Variants in RAB2A observed in about 807,000 individuals in gnomAD.
RAB2A encodes the protein RAB2A, member RAS oncogene family.
RAB2A carries 7 observed loss-of-function variants against 32.5 expected under a neutral mutation model. The ratio of observed to expected loss-of-function variants is 0.22; its 90% CI spans 0.12 to 0.40. RAB2A has a LOEUF of 0.40. RAB2A is among the 10% of genes least tolerant of loss of function. The pLI, the probability that RAB2A is intolerant of heterozygous loss-of-function variation, is 1.00. For missense variants in RAB2A, 108 were observed against 260.7 expected (o/e 0.41, Z 4.03); for synonymous variants, 79 against 85.2 (o/e 0.93, Z 0.40).
intron 1 of RAB2A, among the ~76,000 whole-genome samples, chr8:60,553,629 T>C (rs1807889947): frequency 6.6e-6 from 1 of 152,210 alleles, no homozygotes. Flanking sequence ...TAACAGTTCA[T>C]TGAGGTGTAG....
intron 1 of RAB2A, among the ~76,000 whole-genome samples, chr8:60,531,046 C>T (rs549468676): frequency 6.6e-6 from 1 of 152,328 alleles, no homozygotes; most frequent in Admixed American, 6.5e-5. Context: ...TTCACCAAGA[C>T]TCAGGGTTTT....
chr8:60,589,774 CTT>C (rs1803911828), intron 5 of RAB2A, among the ~76,000 whole-genome samples: 1 of 152,006 alleles, frequency 6.6e-6, no homozygotes, highest in Non-Finnish European at 1.5e-5. Context: ...AGTACTATGG[CTT>C]TTGAGTTTTT....
Position 60,546,792 on chromosome 8 carries a change from C to G in RAB2A, c.47-12060C>G, listed in dbSNP as rs1227856420. Reference sequence around the variant, plus strand: ...TTTTTCCAAAATCACCCAGGTAGTGCTTTTAACCACTACACAATGCTGACA... The same window carrying G: ...TTTTTCCAAAATCACCCAGGTAGTGGTTTTAACCACTACACAATGCTGACA... On this transcript the variant is annotated intron_variant, in intron 1 of 7. Coordinates refer to ENST00000262646, the MANE Select transcript of RAB2A (RefSeq NM_002865.3). Among the ~76,000 whole-genome samples, 4 of 151,458 alleles carry G rather than the reference C, an allele frequency of 2.6e-5. No homozygotes were observed. In the East Asian group the frequency reaches 7.7e-4, roughly 29 times the overall value.
chr8:60,590,390 C>T (rs1003440461), intron 5 of RAB2A, among the ~76,000 whole-genome samples: 1 of 150,784 alleles, frequency 6.6e-6, no homozygotes, highest in Non-Finnish European at 1.5e-5. Context: ...GTAGTCCTAG[C>T]AATTGGGAAG....
intron 1 of RAB2A, among the ~76,000 whole-genome samples, chr8:60,526,053 ATAT>A (rs1467096586): frequency 1.1e-3 from 127 of 117,976 alleles, no homozygotes; most frequent in African/African-American, 3.4e-3. Context: ...ATATATATAT[ATAT>A]AAGTTTTCTG....
At chr8:60,538,021 A>G (rs541251625) in intron 1 of RAB2A, among the ~76,000 whole-genome samples, 21 of 152,308 alleles carry the variant, frequency 1.4e-4, no homozygotes, top group Admixed American at 4.6e-4. Context: ...TAAACATTCT[A>G]GCCGTTTTCC....
chr8:60,558,488 A>G (rs780626904), intron 1 of RAB2A: 1 of 510,122 alleles, frequency 2.0e-6, no homozygotes, highest in Non-Finnish European at 3.9e-6. Context: ...AAAATGAACT[A>G]TTAACTATGC....
intron 6 of RAB2A, among the ~76,000 whole-genome samples, chr8:60,595,911 A>G (rs112062418): frequency 5.3e-5 from 8 of 152,374 alleles, no homozygotes; most frequent in Non-Finnish European, 8.8e-5. Context: ...ATTAAACTAG[A>G]AATCAGTTTA....
rs1267298715 is a variant in RAB2A at position 60,620,735 on chromosome 8, A to G, written c.605A>G (p.Gln202Arg). ...ACCAATGCAACACATGCAGGCAATC[A>G]GGGAGGACAGCAGGCTGGGGGCGGC... The part of the protein sequence containing the change: ...AATNATHAGN[Q>R]GGQQAGGGCC The change falls in exon 8 of 8, where the codon CAG becomes CGG. Residue 202 changes from glutamine (Q) to arginine (R), a missense_variant. Coordinates refer to ENST00000262646, the MANE Select transcript of RAB2A (RefSeq NM_002865.3). 1 of 1,613,872 alleles carries G rather than the reference A, an allele frequency of 6.2e-7. No homozygotes were observed. The highest frequency in any genetic ancestry group is 8.5e-7 in the Non-Finnish European group (1 of 1,179,956).
chr8:60,619,817 TA>T (rs1259978119), intron 7 of RAB2A, among the ~76,000 whole-genome samples: 6 of 152,266 alleles, frequency 3.9e-5, no homozygotes, highest in African/African-American at 1.4e-4. Flanking sequence ...CCGTGCTATT[TA>T]TTTGGCCTAA....
At chr8:60,532,987 G>A (rs1807499965) in intron 1 of RAB2A, among the ~76,000 whole-genome samples, 1 of 152,222 alleles carries the variant, frequency 6.6e-6, no homozygotes, top group African/African-American at 2.4e-5. Context: ...GATTTTAACT[G>A]ACAGAATCCA....
chr8:60,559,587 A>G (rs931319170), intron 2 of RAB2A, among the ~76,000 whole-genome samples: 1 of 152,234 alleles, frequency 6.6e-6, no homozygotes, highest in African/African-American at 2.4e-5. Flanking sequence ...AATTAAGATG[A>G]GTGAAAAGCT....
chr8:60,541,039 G>C (rs531159270), intron 1 of RAB2A, among the ~76,000 whole-genome samples: 11 of 152,248 alleles, frequency 7.2e-5, no homozygotes, highest in African/African-American at 2.6e-4. Flanking sequence ...GACTACCTTA[G>C]CCAGGTTATG....
intron 1 of RAB2A, among the ~76,000 whole-genome samples, chr8:60,518,213 AAAGATT>A (rs1469216004): frequency 1.3e-5 from 2 of 152,212 alleles, no homozygotes; most frequent in African/African-American, 4.8e-5. Context: ...TAATAAACAT[AAAGATT>A]GTTTAGATGT....
intron 5 of RAB2A, 72 bp downstream of exon 5, chr8:60,584,887 T>A: frequency 9.0e-7 from 1 of 1,112,520 alleles, no homozygotes; most frequent in Non-Finnish European, 1.3e-6. Flanking sequence ...CTACTTTCCT[T>A]AACATTTGTT....
intron 1 of RAB2A, among the ~76,000 whole-genome samples, chr8:60,521,667 C>T (rs1374285938): frequency 5.9e-5 from 9 of 152,132 alleles, no homozygotes; most frequent in Non-Finnish European, 1.2e-4. Context: ...GTCACCCAGG[C>T]TGGAGTGCAG....
intron 6 of RAB2A, among the ~76,000 whole-genome samples, chr8:60,616,064 T>C (rs959221052): frequency 2.6e-5 from 4 of 152,194 alleles, no homozygotes; most frequent in Admixed American, 6.5e-5. Context: ...TTATTTGTTA[T>C]ATTTCAGTTG....
intron 6 of RAB2A, among the ~76,000 whole-genome samples, chr8:60,614,464 C>CTAA (rs1804415380): frequency 6.6e-6 from 1 of 152,080 alleles, no homozygotes; most frequent in Admixed American, 6.6e-5. Flanking sequence ...ATTGCCCAGG[C>CTAA]TGGTCTCAAA....
At chr8:60,586,502 G>T (rs1015337993) in intron 5 of RAB2A, among the ~76,000 whole-genome samples, 5 of 151,908 alleles carry the variant, frequency 3.3e-5, no homozygotes, top group African/African-American at 1.2e-4. Flanking sequence ...AAGAAAGGTT[G>T]ACATCACTAT....
Sources: gnomAD v4.1 joint callset for allele counts (sites outside exome capture counted in the v4.1 genomes callset) on GRCh38, gnomAD v4.1.1 for gene constraint, MANE v1.5 for transcripts, NCBI Gene and HGNC (gene_info 2026-07-23, HGNC 2026-07-21) for gene names.